PRKAR2B: variants seen among roughly 807,000 people sequenced by gnomAD.
PRKAR2B encodes the protein cAMP-dependent protein kinase type II-beta regulatory subunit.
A neutral mutation model predicts 49.9 loss-of-function variants in PRKAR2B; 14 were observed. The observed-to-expected ratio is 0.28, with a 90% confidence interval of 0.19 to 0.44. The LOEUF is 0.44. PRKAR2B is among the 20% of genes least tolerant of loss of function. PRKAR2B has a pLI of 1.00. For missense variants in PRKAR2B, 393 were observed against 537.9 expected (o/e 0.73, Z 2.67); for synonymous variants, 196 against 197.7 (o/e 0.99, Z 0.07).
At chr7:107,141,436 AT>A (rs1239248459) in intron 5 of PRKAR2B, among the ~76,000 whole-genome samples, 2 of 152,316 alleles carry the variant, frequency 1.3e-5, no homozygotes, top group Admixed American at 1.3e-4. Flanking sequence ...CAGGCCTGCA[AT>A]CTCAGCACTT....
At position 107,101,643 on chromosome 7, in the gene PRKAR2B, C is replaced by T. The variant is rs949059383; in HGVS notation, c.344-20309C>T. ...GCTTCTACCCTTCCTGCTTGTTTGTCGGTTTTTTGGTTTTGTTTTGTTTTT... is the reference window on the plus strand; with the variant it reads ...GCTTCTACCCTTCCTGCTTGTTTGTTGGTTTTTTGGTTTTGTTTTGTTTTT... On this transcript the variant is annotated intron_variant, in intron 2 of 10. Transcript: ENST00000265717. 3.9e-5 allele frequency among the ~76,000 whole-genome samples: 6 copies of T among 152,082 alleles called. No homozygotes were observed. The East Asian group carries it at 5.8e-4, about 15-fold the overall frequency.
At chr7:107,086,462 A>G (rs1171503989) in intron 2 of PRKAR2B, among the ~76,000 whole-genome samples, 1 of 151,992 alleles carries the variant, frequency 6.6e-6, no homozygotes, top group African/African-American at 2.4e-5. Context: ...TTTTTAAATT[A>G]AAAGTAGAAA....
In PRKAR2B at chr7:107,159,682, T is replaced by G. The variant is rs1015244813; in HGVS notation, c.*100T>G. The G allele has an allele frequency of 2.2e-5, 29 of 1,340,876 alleles. No individual in the cohort carries two copies. Among genetic ancestry groups the G allele is most frequent in the Non-Finnish European group, 2.8e-5 (27 of 976,896 alleles). The allele number at this position is 1,340,876 out of a possible 1,614,324, so 83.1% of individuals were successfully genotyped here. The stretch of plus-strand genomic sequence containing the variant: ...TAGATGCCAAGCATTTTCTGTGATT[T>G]CAGGTTTTTTCCTTTTTTTACATTT... On this transcript the variant is annotated 3_prime_UTR_variant, in exon 11 of 11. Transcript: ENST00000265717.
At chr7:107,053,562 G>T (rs1323797736) in intron 1 of PRKAR2B, among the ~76,000 whole-genome samples, 2 of 150,674 alleles carry the variant, frequency 1.3e-5, no homozygotes, top group African/African-American at 4.9e-5. Flanking sequence ...GTGTGTGTGT[G>T]TGTGTGTCTT....
intron 2 of PRKAR2B, among the ~76,000 whole-genome samples, chr7:107,107,690 G>A (rs1321895520): frequency 5.3e-5 from 8 of 151,758 alleles, no homozygotes; most frequent in Non-Finnish European, 1.0e-4. Context: ...ACAGAGTCTC[G>A]CTCTGTCACC....
rs573355447 is a variant in PRKAR2B at position 107,125,776 on chromosome 7, G to GA, written c.397-2428dup. Among the ~76,000 whole-genome samples, 533 of 151,802 alleles carry GA rather than the reference G, an allele frequency of 3.5e-3. 3 individuals are homozygous for GA. The highest frequency in any genetic ancestry group is 6.8e-3 in the Middle Eastern group (2 of 294). On this transcript the variant is annotated intron_variant, in intron 3 of 10. Transcript: ENST00000265717. ...ACCATAGTGATGGAGGTGGGGCTGAGAAAAAAAATACTACTTAGAAATGGT... is the reference window on the plus strand; with the variant it reads ...ACCATAGTGATGGAGGTGGGGCTGAGAAAAAAAAATACTACTTAGAAATGGT...
intron 2 of PRKAR2B, among the ~76,000 whole-genome samples, chr7:107,094,495 G>T (rs185974406): frequency 1.8e-4 from 27 of 152,280 alleles, no homozygotes; most frequent in African/African-American, 6.0e-4. Context: ...TTGCTGTGCA[G>T]AAGCTCTTTA....
chr7:107,077,260 G>A (rs1322469317), intron 2 of PRKAR2B: 6 of 152,066 alleles, frequency 3.9e-5, no homozygotes, highest in South Asian at 2.1e-4. Context: ...AACATTTACC[G>A]AGTCCCTCTT....
At position 107,113,914 on chromosome 7, in the gene PRKAR2B, A is replaced by G. The variant is rs535511879; in HGVS notation, c.344-8038A>G. 5.2e-4 allele frequency among the ~76,000 whole-genome samples: 79 copies of G among 152,286 alleles called. No homozygotes were observed. In the South Asian group the frequency reaches 0.01, roughly 20 times the overall value. ...GAATCGCACGGGCTACTCATGATGT[A>G]TGAACAGTAGAATTAAGTAGAATAT... On this transcript the variant is annotated intron_variant, in intron 2 of 10. Transcript: ENST00000265717.
chr7:107,089,594 T>C (rs1794681922), intron 2 of PRKAR2B, among the ~76,000 whole-genome samples: 1 of 152,258 alleles, frequency 6.6e-6, no homozygotes, highest in Non-Finnish European at 1.5e-5. Flanking sequence ...GTTAAAAAGT[T>C]ATTTGCAGGG....
Position 107,153,057 on chromosome 7 carries a change from A to G in PRKAR2B, c.844-120A>G, listed in dbSNP as rs1460122004. The G allele has an allele frequency of 1.0e-5, 5 of 489,884 alleles. No individual in the cohort carries two copies. In the Admixed American group the frequency reaches 1.9e-4, roughly 19 times the overall value. 30.3% of individuals were successfully genotyped at this position (489,884 alleles called of 1,614,324 possible). On this transcript the variant is annotated intron_variant, in intron 7 of 10. Coordinates refer to ENST00000265717, the MANE Select transcript of PRKAR2B (RefSeq NM_002736.3). Reference sequence around the variant, plus strand: ...CTGGTAATTAATACAACAAACACATATACAACCTACACACTGCTCGATTTA... The same window carrying G: ...CTGGTAATTAATACAACAAACACATGTACAACCTACACACTGCTCGATTTA...
chr7:107,093,347 G>T (rs1794767537), intron 2 of PRKAR2B, among the ~76,000 whole-genome samples: 1 of 152,008 alleles, frequency 6.6e-6, no homozygotes, highest in South Asian at 2.1e-4. Flanking sequence ...AGTTCACAAG[G>T]GTTCCAGTTT....
At chr7:107,157,648 G>A (rs1796118584) in intron 10 of PRKAR2B, among the ~76,000 whole-genome samples, 1 of 152,206 alleles carries the variant, frequency 6.6e-6, no homozygotes, top group African/African-American at 2.4e-5. Flanking sequence ...CAAAAGAGAA[G>A]GCTAAAGTAC....
chr7:107,132,066 A>G (rs1034296019), intron 4 of PRKAR2B, among the ~76,000 whole-genome samples: 1 of 152,202 alleles, frequency 6.6e-6, no homozygotes, highest in Admixed American at 6.5e-5. Flanking sequence ...ATATTGCTGT[A>G]ATATGGTCAG....
intron 1 of PRKAR2B, among the ~76,000 whole-genome samples, chr7:107,050,472 C>T (rs546092972): frequency 1.5e-4 from 22 of 150,936 alleles, no homozygotes; most frequent in Non-Finnish European, 2.4e-4. Context: ...AATTTCCAGC[C>T]GTCAAGATTT....
intron 5 of PRKAR2B, among the ~76,000 whole-genome samples, chr7:107,144,223 T>C (rs1795845759): frequency 6.6e-6 from 1 of 151,892 alleles, no homozygotes; most frequent in Admixed American, 6.6e-5. Flanking sequence ...GTAGCTGGGA[T>C]TACAGGTGAC....
At chr7:107,090,413 A>C (rs1054037582) in intron 2 of PRKAR2B, among the ~76,000 whole-genome samples, 2 of 152,196 alleles carry the variant, frequency 1.3e-5, no homozygotes, top group African/African-American at 4.8e-5. Context: ...TAGCCCAGCT[A>C]TCCTGGATTG....
At chr7:107,081,847 A>T (rs1794520976) in intron 2 of PRKAR2B, 1 of 152,236 alleles carries the variant, frequency 6.6e-6, no homozygotes, top group African/African-American at 2.4e-5. Flanking sequence ...TGTTTCAAGG[A>T]ATTACAAAAT....
chr7:107,123,661 C>T (rs980671658), intron 3 of PRKAR2B, among the ~76,000 whole-genome samples: 3 of 152,152 alleles, frequency 2.0e-5, no homozygotes, highest in African/African-American at 7.2e-5. Context: ...ATGGACCCAG[C>T]TTTGGCCCAG....
Sources: gnomAD v4.1 joint callset for allele counts (sites outside exome capture counted in the v4.1 genomes callset) on GRCh38, gnomAD v4.1.1 for gene constraint, MANE v1.5 for transcripts, NCBI Gene and HGNC (gene_info 2026-07-23, HGNC 2026-07-21) for gene names.